SLC1A2: variants seen among roughly 807,000 people sequenced by gnomAD.
The protein encoded by SLC1A2 is excitatory amino acid transporter 2.
SLC1A2 carries 15 observed loss-of-function variants against 48.8 expected under a neutral mutation model. The ratio of observed to expected loss-of-function variants is 0.31; its 90% CI spans 0.21 to 0.47. The LOEUF (loss-of-function observed/expected upper bound fraction) is 0.47, where lower values mean the gene tolerates loss of function less well. Ranked by LOEUF, SLC1A2 falls within the 20% of genes least tolerant of loss-of-function variation. The pLI is 0.99. For missense variants in SLC1A2, 502 were observed against 730.5 expected (o/e 0.69, Z 3.61); for synonymous variants, 279 against 272.6 (o/e 1.02, Z -0.23).
intron 1 of SLC1A2, among the ~76,000 whole-genome samples, chr11:35,332,829 A>T (rs1852474589): frequency 6.6e-6 from 1 of 152,208 alleles, no homozygotes; most frequent in African/African-American, 2.4e-5. Context: ...AAAGGGAAGA[A>T]GTCTGCAGCA....
intron 1 of SLC1A2, among the ~76,000 whole-genome samples, chr11:35,339,083 A>G (rs963665685): frequency 6.6e-6 from 1 of 152,232 alleles, no homozygotes; most frequent in African/African-American, 2.4e-5. Flanking sequence ...GACCCAGTAG[A>G]GTACTGGCTT....
At chr11:35,261,779 A>G (rs1336563449) in intron 10 of SLC1A2, 2 of 398,432 alleles carry the variant, frequency 5.0e-6, no homozygotes, top group South Asian at 1.3e-4. Flanking sequence ...AGACGTGACA[A>G]ACGCAGTAAT....
intron 1 of SLC1A2, among the ~76,000 whole-genome samples, chr11:35,392,870 G>A (rs1854825718): frequency 6.6e-6 from 1 of 152,182 alleles, no homozygotes; most frequent in South Asian, 2.1e-4. Context: ...AACTTTAGGT[G>A]TTTCAGGGGG....
In SLC1A2 at chr11:35,286,894, C is replaced by T; in HGVS notation, c.1149G>A (p.Lys383=). ...RCLEENLGID[K]RVTRFVLPVG... ...CAGGAAGGACGAATCTAGTCACACGCTTATCAATCCCCAGATTTTCTTCCA... is the reference window on the plus strand; with the variant it reads ...CAGGAAGGACGAATCTAGTCACACGTTTATCAATCCCCAGATTTTCTTCCA... The change falls in exon 8 of 11, where the codon AAG becomes AAA. Residue 383 remains lysine, a synonymous_variant. Coordinates refer to ENST00000278379, the MANE Select transcript of SLC1A2 (RefSeq NM_004171.4). 6.2e-7 allele frequency: 1 copy of T among 1,614,100 alleles called. No homozygotes were observed. Among genetic ancestry groups the T allele is most frequent in the South Asian group, 1.1e-5 (1 of 91,074 alleles).
At chr11:35,304,430 C>T (rs1003257116) in intron 5 of SLC1A2, among the ~76,000 whole-genome samples, 4 of 152,134 alleles carry the variant, frequency 2.6e-5, no homozygotes, top group African/African-American at 9.7e-5. Flanking sequence ...ACATAGATAG[C>T]TGGACAGTGA....
rs115331427 is a variant in SLC1A2, at chr11:35,418,821, C to T, written c.17+129G>A. On this transcript the variant is annotated intron_variant, in intron 1 of 10. Coordinates refer to ENST00000278379, the MANE Select transcript of SLC1A2 (RefSeq NM_004171.4). ...CCCCTCCCCACCATCCCATCCCCAG[C>T]CAAGCTACGGCTCCGCCACCACCTC... 1.7e-3 allele frequency: 1,272 copies of T among 764,008 alleles called. 7 individuals carry two copies. In the African/African-American group the frequency reaches 0.02, roughly 12 times the overall value. 47.3% of individuals were successfully genotyped at this position (764,008 alleles called of 1,614,324 possible).
chr11:35,389,465 C>CTTA (rs1565296642), intron 1 of SLC1A2, among the ~76,000 whole-genome samples: 8 of 151,342 alleles, frequency 5.3e-5, no homozygotes, highest in African/African-American at 1.9e-4. Context: ...TCTTCTTCTT[C>CTTA]TTATTATTAT....
At chr11:35,313,613 C>T (rs116742723) in intron 3 of SLC1A2, among the ~76,000 whole-genome samples, 1,976 of 152,250 alleles carry the variant, frequency 0.013, 43 homozygotes, top group African/African-American at 0.046. Context: ...CTACGTGTGA[C>T]CTACTTCTCT....
In SLC1A2 at chr11:35,259,070, G is replaced by T. The variant is rs998818824; in HGVS notation, c.*1824C>A. On this transcript the variant is annotated 3_prime_UTR_variant, in exon 11 of 11. Transcript: ENST00000278379. ...CCAATGTCATTTGAAAAGCAAAAAT[G>T]AAAAGTTGCCTAATACTGTTCAGTA... The T allele has an allele frequency of 1.3e-5, 2 of 152,342 alleles. No homozygotes were observed. Among genetic ancestry groups the T allele is most frequent in the Non-Finnish European group, 2.9e-5 (2 of 68,002 alleles). The allele number at this position is 152,342 out of a possible 1,614,324, so 9.4% of individuals were successfully genotyped here.
chr11:35,377,501 G>A (rs7102654), intron 1 of SLC1A2, among the ~76,000 whole-genome samples: 17 of 152,250 alleles, frequency 1.1e-4, no homozygotes, highest in African/African-American at 4.1e-4. Context: ...CTCTATTTTC[G>A]TGAGATAACT....
intron 1 of SLC1A2, among the ~76,000 whole-genome samples, chr11:35,326,653 G>A (rs901044041): frequency 1.3e-5 from 2 of 152,162 alleles, no homozygotes; most frequent in African/African-American, 4.8e-5. Context: ...CAAGCAAGAA[G>A]GCAAGTCACT....
At chr11:35,359,552 T>C (rs919976464) in intron 1 of SLC1A2, among the ~76,000 whole-genome samples, 1 of 152,048 alleles carries the variant, frequency 6.6e-6, no homozygotes, top group Non-Finnish European at 1.5e-5. Flanking sequence ...ATCATGAGAG[T>C]AAAGTCATCA....
intron 1 of SLC1A2, among the ~76,000 whole-genome samples, chr11:35,398,899 T>G (rs1855055687): frequency 6.6e-6 from 1 of 152,200 alleles, no homozygotes; most frequent in South Asian, 2.1e-4. Context: ...AGGCTTAGCC[T>G]CCACTCCATT....
Position 35,301,564 on chromosome 11 carries a change from T to G in SLC1A2, c.812A>C (p.Asn271Thr). 6.2e-7 allele frequency: 1 copy of G among 1,613,788 alleles called. No homozygotes were observed. The highest frequency in any genetic ancestry group is 2.2e-5 in the East Asian group (1 of 44,854). ...DQAKLMVDFF[N>T]ILNEIVMKLV... ...CTTCATTACAATCTCATTCAAAATG[T>G]TGAAGAAATCCACCATCAGCTTGGC... is the stretch of plus-strand genomic sequence containing the variant. The change falls in exon 6 of 11, where the codon AAC (asparagine) becomes ACC (threonine). Residue 271 changes from asparagine (N) to threonine (T), a missense_variant. This residue lies in a region of SLC1A2 where 309 missense variants were observed against 480.3 expected (regional missense o/e 0.64). Transcript: ENST00000278379.
intron 1 of SLC1A2, among the ~76,000 whole-genome samples, chr11:35,318,361 G>A (rs1851949018): frequency 6.6e-6 from 1 of 152,186 alleles, no homozygotes; most frequent in Non-Finnish European, 1.5e-5. Context: ...CTTGGGGATT[G>A]CCATAGGGAG....
At position 35,389,443 on chromosome 11, in the gene SLC1A2, T is replaced by A. The variant is rs1201879423; in HGVS notation, c.17+29507A>T. ...TTAACTATTAGTATTTTCTTCTTCT[T>A]CTCCTTCTCCTTCTTCTTCTTCTTA... On this transcript the variant is annotated intron_variant, in intron 1 of 10. Coordinates refer to ENST00000278379, the MANE Select transcript of SLC1A2 (RefSeq NM_004171.4). Among the ~76,000 whole-genome samples, 3 of 149,662 alleles carry A rather than the reference T, an allele frequency of 2.0e-5. No individual in the cohort carries two copies. The East Asian group carries it at 5.8e-4, about 29-fold the overall frequency.
Position 35,419,206 on chromosome 11 carries a change from G to A in SLC1A2, c.-240C>T. 1 of 443,440 alleles carries A rather than the reference G, an allele frequency of 2.3e-6. No homozygotes were observed. Among genetic ancestry groups the A allele is most frequent in the Non-Finnish European group, 4.0e-6 (1 of 252,442 alleles). The allele number at this position is 443,440 out of a possible 1,614,324, so 27.5% of individuals were successfully genotyped here. On this transcript the variant is annotated 5_prime_UTR_variant, in exon 1 of 11. Coordinates refer to ENST00000278379, the MANE Select transcript of SLC1A2 (RefSeq NM_004171.4). This position sits in a 1 kb window ranked among gnomAD's most constrained non-coding sequence, Gnocchi z 5.4. ...GCGCGACCCGCGCTCCCCTCCGCCC[G>A]CGGGGATGGCGCTTGGCGGGGAGCT...
Position 35,255,173 on chromosome 11 carries a change from A to G in SLC1A2, c.*5721T>C. 1 of 222,720 alleles carries G rather than the reference A, an allele frequency of 4.5e-6. No homozygotes were observed. The highest frequency in any genetic ancestry group is 9.1e-6 in the Non-Finnish European group (1 of 110,470). The allele number at this position is 222,720 out of a possible 1,614,324, so 13.8% of individuals were successfully genotyped here. A position where few individuals can be genotyped will look rare whatever the true frequency, so the allele number is the denominator to read the frequency against. ...AGTTCACAACACAACAAATACCAAC[A>G]CTACTCTATTTAGCAGAAGTTTGGA... On this transcript the variant is annotated 3_prime_UTR_variant, in exon 11 of 11. Transcript: ENST00000278379.
intron 1 of SLC1A2, among the ~76,000 whole-genome samples, chr11:35,378,466 C>A (rs952586828): frequency 7.9e-5 from 12 of 152,234 alleles, no homozygotes; most frequent in Non-Finnish European, 2.9e-5. Context: ...CACAAACCTG[C>A]ACTGATTTGT....
Sources: gnomAD v4.1 joint callset for allele counts (sites outside exome capture counted in the v4.1 genomes callset) on GRCh38, gnomAD v4.1.1 for gene constraint, gnomAD v4.1.1 regional missense constraint, Gnocchi (gnomAD v3.1) non-coding constraint, MANE v1.5 for transcripts, NCBI Gene and HGNC (gene_info 2026-07-23, HGNC 2026-07-21) for gene names.